Variants in GIGYF1 observed in about 807,000 individuals in gnomAD.
GIGYF1 encodes GRB10-interacting GYF protein 1.
In GIGYF1, 84 loss-of-function variants were observed where a neutral mutation model predicts 147.1. The ratio of observed to expected loss-of-function variants is 0.57; its 90% CI spans 0.48 to 0.68. The LOEUF (loss-of-function observed/expected upper bound fraction) is 0.68. Ranked by LOEUF, GIGYF1 falls within the 30% of genes least tolerant of loss-of-function variation. The probability of loss-of-function intolerance (pLI) is 0.00; values close to 1 mark genes in which losing one functional copy is unlikely to be tolerated. For synonymous variants in GIGYF1, 752 were observed against 589.5 expected, an observed-to-expected ratio of 1.28 and a Z score of -3.99; for missense variants, 1,485 against 1,393.7, an observed-to-expected ratio of 1.07 and a Z score of -1.04.
chr7:100,683,791 G>T (rs754258935), intron 19 of GIGYF1, 27 bp downstream of exon 19: 1 of 1,578,236 alleles, frequency 6.3e-7, no homozygotes, highest in East Asian at 2.3e-5. Flanking sequence ...GACTGCCTTG[G>T]GGGTGGGGAC....
chr7:100,682,272 C>T (rs377483183), intron 24 of GIGYF1, 37 bp from the exon 25 acceptor site: 472 of 1,607,898 alleles, frequency 2.9e-4, no homozygotes, highest in Non-Finnish European at 3.8e-4. Flanking sequence ...GCCCCCTGGC[C>T]GGGTCTGGAG....
rs1362499323 is a variant in GIGYF1 at position 100,689,352 on chromosome 7, A to C, written c.-895T>G. On this transcript the variant is annotated 5_prime_UTR_variant, in exon 2 of 27. Transcript: ENST00000678049. ...ATCAGGTGGAAATAAGGTCAGGGCA[A>C]TGGAGGCTGATGGGGGCGCGGCGGC... is the stretch of plus-strand genomic sequence containing the variant. 1 of 152,328 alleles carries C rather than the reference A, an allele frequency of 6.6e-6. No homozygotes were observed. The highest frequency in any genetic ancestry group is 2.4e-5 in the African/African-American group (1 of 41,458). The allele number at this position is 152,328 out of a possible 1,614,324, so 9.4% of individuals were successfully genotyped here.
chr7:100,691,506 A>ACTTTT (rs1554386754), intron 1 of GIGYF1, among the ~76,000 whole-genome samples: 1 of 147,620 alleles, frequency 6.8e-6, no homozygotes, highest in African/African-American at 2.5e-5. Context: ...AAAAGAATAG[A>ACTTTT]TTTTTTTTTT....
chr7:100,688,659 A>G lies in GIGYF1; in HGVS notation c.-202T>C, dbSNP rs1805600017. On this transcript the variant is annotated 5_prime_UTR_variant, in exon 2 of 27. Transcript: ENST00000678049. The stretch of plus-strand genomic sequence containing the variant: ...TGGAGTGAACGAGGGTACCCAAGCC[A>G]CTGGGAATTGGTCTGACCTCAGTAG... 1 of 407,110 alleles carries G rather than the reference A, an allele frequency of 2.5e-6. No homozygotes were observed. The highest frequency in any genetic ancestry group is 1.8e-5 in the South Asian group (1 of 54,082). The allele number at this position is 407,110 out of a possible 1,614,324, so 25.2% of individuals were successfully genotyped here. A position where few individuals can be genotyped will look rare whatever the true frequency, so the allele number is the denominator to read the frequency against.
chr7:100,685,546 G>A (rs1174068687), intron 12 of GIGYF1, 65 bp from the exon 13 acceptor site: 5 of 1,560,462 alleles, frequency 3.2e-6, no homozygotes, highest in Non-Finnish European at 4.3e-6. Context: ...GTTAGCACAA[G>A]CCCTTGAGTG....
chr7:100,686,937 AC>A (rs1805408445), intron 9 of GIGYF1, 68 bp downstream of exon 9: 1 of 1,604,854 alleles, frequency 6.2e-7, no homozygotes, highest in African/African-American at 1.3e-5. Flanking sequence ...CGAAATAAGC[AC>A]CCCCAGACTG....
At position 100,682,003 on chromosome 7, in the gene GIGYF1, C is replaced by T. The variant is rs565700145; in HGVS notation, c.2926-10G>A. 48 of 1,609,312 alleles carry T rather than the reference C, an allele frequency of 3.0e-5. No individual in the cohort carries two copies. The South Asian group carries it at 4.3e-4, about 14-fold the overall frequency. On this transcript the variant is annotated splice_polypyrimidine_tract_variant and intron_variant, in intron 25 of 26. Coordinates refer to ENST00000678049, the MANE Select transcript of GIGYF1 (RefSeq NM_001375765.1). ...TGCTCAGCCATGCCTCCTAAGGCAG[C>T]GGAGAGGAGGGTGAAGGTCAGGAGG...
chr7:100,685,771 G>C (rs572684774), intron 12 of GIGYF1, among the ~76,000 whole-genome samples: 2 of 152,212 alleles, frequency 1.3e-5, no homozygotes, highest in Non-Finnish European at 2.9e-5. Flanking sequence ...AGGTCATTTT[G>C]ATTACGCCTG....
In GIGYF1 at chr7:100,682,338, G is replaced by A. The variant is rs147180088; in HGVS notation, c.2745C>T (p.Ala915=). The A allele has an allele frequency of 9.8e-5, 158 of 1,612,532 alleles. No homozygotes were observed. The highest frequency in any genetic ancestry group is 1.3e-4 in the Non-Finnish European group (151 of 1,179,794). The change falls in exon 24 of 27, where the codon GCC becomes GCT. Residue 915 remains alanine, a synonymous_variant. Coordinates refer to ENST00000678049, the MANE Select transcript of GIGYF1 (RefSeq NM_001375765.1). ...CTCGCCCACCGTCCAGGCTGCCCGT[G>A]GCGCTCAGCGTGTGCAGCATCTGCT... The part of the protein sequence containing the change: ...WCEQMLHTLS[A]TGSLDVPMAV...
chr7:100,685,604 A>T, intron 12 of GIGYF1, 123 bp from the exon 13 acceptor site: 1 of 1,047,364 alleles, frequency 9.5e-7, no homozygotes. Flanking sequence ...CCACCACTTC[A>T]CTTGGGTCAA....
rs769984171 is a variant in GIGYF1, at chr7:100,684,175, G to C, written c.1731-18C>G. 5.0e-6 allele frequency: 8 copies of C among 1,609,236 alleles called. No individual in the cohort carries two copies. The highest frequency in any genetic ancestry group is 6.8e-6 in the Non-Finnish European group (8 of 1,179,208). On this transcript the variant is annotated intron_variant, in intron 17 of 26. Coordinates refer to ENST00000678049, the MANE Select transcript of GIGYF1 (RefSeq NM_001375765.1). ...GCTGGCGGCTGCAAATGGGACAGTGGAGATGGTGGGCCACAGAGCCAGCGC... is the reference window on the plus strand; with the variant it reads ...GCTGGCGGCTGCAAATGGGACAGTGCAGATGGTGGGCCACAGAGCCAGCGC...
At chr7:100,682,798 G>A (rs780221539) in intron 22 of GIGYF1, 21 bp from the exon 23 acceptor site, 61 of 1,515,348 alleles carry the variant, frequency 4.0e-5, no homozygotes, top group Non-Finnish European at 5.4e-5. Flanking sequence ...CAGAAGATCA[G>A]AGTGGCTCAA....
chr7:100,693,244 A>G (rs370816252), intron 1 of GIGYF1, among the ~76,000 whole-genome samples: 3 of 152,272 alleles, frequency 2.0e-5, no homozygotes, highest in Admixed American at 6.5e-5. Flanking sequence ...TAATGACTGT[A>G]TAACAGAGAA....
intron 22 of GIGYF1, 34 bp downstream of exon 22, chr7:100,682,978 T>C (rs1363780937): frequency 2.8e-6 from 4 of 1,444,994 alleles, no homozygotes; most frequent in African/African-American, 2.8e-5. Context: ...CTGGAAACTG[T>C]AGGGGGAGCC....
chr7:100,685,022 C>G (rs1805182259), intron 14 of GIGYF1, 27 bp downstream of exon 14: 2 of 1,555,660 alleles, frequency 1.3e-6, no homozygotes, highest in Non-Finnish European at 8.7e-7. Context: ...TGGGAAGGGT[C>G]CCTCCCGCTT....
chr7:100,683,282 GC>G (rs1240664325), intron 21 of GIGYF1, 21 bp downstream of exon 21: 2 of 1,613,636 alleles, frequency 1.2e-6, no homozygotes, highest in Non-Finnish European at 1.7e-6. Context: ...CACCCAGCCA[GC>G]TGAGGCTTGG....
Position 100,679,521 on chromosome 7 carries a change from C to T in GIGYF1, c.*2198G>A, listed in dbSNP as rs1309103105. The stretch of plus-strand genomic sequence containing the variant: ...GGAGGCGGAACGGGAGAACACACAC[C>T]AAGTTTTATTGGGAGAAGGGAGTAT... On this transcript the variant is annotated 3_prime_UTR_variant, in exon 27 of 27. Transcript: ENST00000678049. 1 of 152,840 alleles carries T rather than the reference C, an allele frequency of 6.5e-6. No homozygotes were observed. The highest frequency in any genetic ancestry group is 1.9e-4 in the East Asian group (1 of 5,196). 9.5% of individuals were successfully genotyped at this position (152,840 alleles called of 1,614,324 possible). A position where few individuals can be genotyped will look rare whatever the true frequency, so the allele number is the denominator to read the frequency against.
intron 1 of GIGYF1, among the ~76,000 whole-genome samples, chr7:100,691,376 A>T (rs1238765980): frequency 1.3e-5 from 2 of 152,220 alleles, no homozygotes; most frequent in African/African-American, 4.8e-5. Context: ...AGGGGAAGGC[A>T]AGGGAAGGCA....
rs201471612 is a variant in GIGYF1, at chr7:100,686,301, C to T, written c.827G>A (p.Arg276Gln). The change falls in exon 11 of 27, where the codon CGG (arginine) becomes CAG (glutamine). Residue 276 changes from arginine (R) to glutamine (Q), a missense_variant. Transcript: ENST00000678049. ...AAAGCCTTCAGGCGCTCGGCACCGC[C>T]GCAGGTGAGAGCTGCCTCCCCCTCC... is the stretch of plus-strand genomic sequence containing the variant. The part of the protein sequence containing the change: ...GRGGGGSSHL[R>Q]RCRAPEGFEE... 4.5e-5 allele frequency: 73 copies of T among 1,613,924 alleles called. No homozygotes were observed. The highest frequency in any genetic ancestry group is 7.7e-5 in the South Asian group (7 of 91,090).
Sources: gnomAD v4.1 joint callset for allele counts (sites outside exome capture counted in the v4.1 genomes callset) on GRCh38, gnomAD v4.1.1 for gene constraint, MANE v1.5 for transcripts, NCBI Gene and HGNC (gene_info 2026-07-23, HGNC 2026-07-21) for gene names.